Variants in MAML3 observed in about 807,000 individuals in gnomAD.
MAML3 encodes mastermind-like protein 3.
MAML3 carries 27 observed loss-of-function variants against 101.9 expected under a neutral mutation model. The observed-to-expected ratio is 0.27, with a 90% CI of 0.20 to 0.37. The LOEUF (loss-of-function observed/expected upper bound fraction) is 0.37. Among genes scored for constraint, MAML3 ranks in the 10% least tolerant of loss-of-function variants. MAML3 has a pLI of 1.00. For synonymous variants in MAML3, 501 were observed against 555.9 expected, an observed-to-expected ratio of 0.90 and a Z score of 1.39; for missense variants, 1,316 against 1,444.9, an observed-to-expected ratio of 0.91 and a Z score of 1.45.
intron 1 of MAML3, among the ~76,000 whole-genome samples, chr4:139,992,470 A>G (rs938929291): frequency 5.3e-5 from 8 of 152,120 alleles, no homozygotes; most frequent in Non-Finnish European, 8.8e-5. Context: ...TCCCAACAGT[A>G]ATATATGAGA....
chr4:140,116,834 G>C (rs1159162142), intron 1 of MAML3, among the ~76,000 whole-genome samples: 6 of 152,120 alleles, frequency 3.9e-5, no homozygotes, highest in African/African-American at 1.4e-4. Flanking sequence ...TCAGCACTTG[G>C]GTTTCCATCT....
intron 1 of MAML3, among the ~76,000 whole-genome samples, chr4:140,152,263 CA>C (rs954901625): frequency 6.6e-6 from 1 of 152,222 alleles, no homozygotes; most frequent in African/African-American, 2.4e-5. Context: ...AGTTCATTCA[CA>C]AAACTCTCAG....
intron 2 of MAML3, among the ~76,000 whole-genome samples, chr4:139,818,618 G>A (rs1027856464): frequency 6.6e-6 from 1 of 152,216 alleles, no homozygotes; most frequent in African/African-American, 2.4e-5. Flanking sequence ...GAATACCAAT[G>A]AGAGTTGGAG....
At chr4:139,729,156 C>CAAAAAAA (rs4057275) in intron 3 of MAML3, among the ~76,000 whole-genome samples, 30 of 81,704 alleles carry the variant, frequency 3.7e-4, no homozygotes, top group South Asian at 5.2e-4. Context: ...GGAACAAAAG[C>CAAAAAAA]AAAAAAAAAA....
Position 139,735,469 on chromosome 4 carries a change from C to CGG in MAML3, c.2080-4804_2080-4803dup. On this transcript the variant is annotated intron_variant, in intron 2 of 4. Transcript: ENST00000509479. The surrounding 1 kb of genome is among the most constrained non-coding windows in gnomAD (Gnocchi z 5.8). ...GGGGTAGGGGGGCAGTGGCGACCTC[C>CGG]GGGGGGGGAGGGTGGCGGACACCAG... 1.3e-5 allele frequency among the ~76,000 whole-genome samples: 1 copy of CGG among 79,176 alleles called. No homozygotes were observed. The highest frequency in any genetic ancestry group is 2.7e-5 in the Non-Finnish European group (1 of 37,530). The allele number at this position is 79,176 out of a possible 152,430, so 51.9% of individuals were successfully genotyped here.
At chr4:140,024,915 C>G (rs1411996544) in intron 1 of MAML3, among the ~76,000 whole-genome samples, 1 of 152,128 alleles carries the variant, frequency 6.6e-6, no homozygotes, top group Non-Finnish European at 1.5e-5. Context: ...AGAGAACCAT[C>G]CAAAATATTC....
At chr4:140,049,968 G>A (rs1478182612) in intron 1 of MAML3, among the ~76,000 whole-genome samples, 1 of 151,988 alleles carries the variant, frequency 6.6e-6, no homozygotes, top group East Asian at 1.9e-4. Context: ...TTTCTGGAGT[G>A]GAAAGTGGCA....
At position 139,785,747 on chromosome 4, in the gene MAML3, CTG is replaced by C. The variant is rs1730294844; in HGVS notation, c.2080-55082_2080-55081del. 6.6e-6 allele frequency among the ~76,000 whole-genome samples: 1 copy of C among 151,998 alleles called. No homozygotes were observed. The highest frequency in any genetic ancestry group is 2.1e-4 in the South Asian group (1 of 4,822). On this transcript the variant is annotated intron_variant, in intron 2 of 4. Transcript: ENST00000509479. The surrounding 1 kb of genome is among the most constrained non-coding windows in gnomAD (Gnocchi z 4.3). ...GAGGGTTTTGGGTGGTGGAGCTATGCTGTGTTTTAAGAAGAGTCCTTGATTGG... is the reference window on the plus strand; with the variant it reads ...GAGGGTTTTGGGTGGTGGAGCTATGCTGTTTTAAGAAGAGTCCTTGATTGG...
At chr4:139,723,351 C>A (rs1221517238) in intron 4 of MAML3, among the ~76,000 whole-genome samples, 1 of 152,160 alleles carries the variant, frequency 6.6e-6, no homozygotes, top group Non-Finnish European at 1.5e-5. Context: ...GCTCTTGTTG[C>A]CCAGGCTGGA....
intron 2 of MAML3, among the ~76,000 whole-genome samples, chr4:139,762,245 C>A (rs912884054): frequency 6.6e-6 from 1 of 152,152 alleles, no homozygotes; most frequent in East Asian, 1.9e-4. Context: ...TCTAGCCCAG[C>A]GCCTGGGACA....
intron 2 of MAML3, among the ~76,000 whole-genome samples, chr4:139,880,179 GAA>G (rs36094128): frequency 2.9e-5 from 4 of 139,160 alleles, no homozygotes; most frequent in Non-Finnish European, 3.1e-5. Context: ...TCTCAAAATT[GAA>G]AAAAAAAAAA....
chr4:140,117,775 T>A (rs1728539931), intron 1 of MAML3, among the ~76,000 whole-genome samples: 1 of 152,048 alleles, frequency 6.6e-6, no homozygotes, highest in Non-Finnish European at 1.5e-5. Context: ...ATAAAATGTT[T>A]CTAAATTATA....
intron 2 of MAML3, among the ~76,000 whole-genome samples, chr4:139,744,117 G>A (rs1729243638): frequency 6.6e-6 from 1 of 152,188 alleles, no homozygotes; most frequent in African/African-American, 2.4e-5. Context: ...AACCTAGAGA[G>A]GTCTGGAATA....
chr4:139,924,538 A>G (rs920318080), intron 1 of MAML3, among the ~76,000 whole-genome samples: 4 of 152,302 alleles, frequency 2.6e-5, no homozygotes, highest in Non-Finnish European at 4.4e-5. Context: ...ATAGCATTCT[A>G]TCCTTCTCAC....
intron 1 of MAML3, among the ~76,000 whole-genome samples, chr4:139,896,389 C>A (rs1732608680): frequency 6.6e-6 from 1 of 152,218 alleles, no homozygotes; most frequent in Non-Finnish European, 1.5e-5. Context: ...GAGCATCAGC[C>A]TCCTTGCTCT....
intron 2 of MAML3, among the ~76,000 whole-genome samples, chr4:139,803,366 T>G (rs1417839093): frequency 6.6e-6 from 1 of 152,234 alleles, no homozygotes; most frequent in Non-Finnish European, 1.5e-5. Flanking sequence ...TGTTACAGAT[T>G]ACCATTTTTG....
At chr4:139,962,263 G>A (rs751782176) in intron 1 of MAML3, among the ~76,000 whole-genome samples, 6 of 152,054 alleles carry the variant, frequency 3.9e-5, no homozygotes, top group South Asian at 2.1e-4. Flanking sequence ...AGGTGTTGCC[G>A]TTTAGCCTAC....
chr4:139,770,888 A>C (rs1470212433), intron 2 of MAML3, among the ~76,000 whole-genome samples: 2 of 152,190 alleles, frequency 1.3e-5, no homozygotes, highest in East Asian at 3.9e-4. Flanking sequence ...GACTAGGGAG[A>C]GGAGGGGGAT....
intron 1 of MAML3, among the ~76,000 whole-genome samples, chr4:140,067,202 T>TGG (rs1335723622): frequency 1.2e-5 from 1 of 84,740 alleles, no homozygotes; most frequent in Non-Finnish European, 3.2e-5. Context: ...ATTTTAGGGG[T>TGG]GTGTGTGTGT....
Sources: gnomAD v4.1 joint callset for allele counts (sites outside exome capture counted in the v4.1 genomes callset) on GRCh38, gnomAD v4.1.1 for gene constraint, Gnocchi (gnomAD v3.1) non-coding constraint, MANE v1.5 for transcripts, NCBI Gene and HGNC (gene_info 2026-07-23, HGNC 2026-07-21) for gene names.